Variants in RILPL1 observed in about 807,000 individuals in gnomAD.
RILPL1 encodes the protein RILP-like protein 1.
A neutral mutation model predicts 50.3 loss-of-function variants in RILPL1; 33 were observed. That is an observed-to-expected ratio of 0.66 (90% CI 0.50 to 0.88). The LOEUF (loss-of-function observed/expected upper bound fraction) is 0.88, where lower values mean the gene tolerates loss of function less well. Ranked by LOEUF, RILPL1 falls within the 40% of genes least tolerant of loss-of-function variation. RILPL1 has a pLI of 0.00. For synonymous variants in RILPL1, 205 were observed against 228.6 expected (o/e 0.90, Z 0.93); for missense variants, 418 against 542.5 (o/e 0.77, Z 2.28).
intron 4 of RILPL1, among the ~76,000 whole-genome samples, chr12:123,493,505 C>A: frequency 6.6e-6 from 1 of 152,132 alleles, no homozygotes; most frequent in Non-Finnish European, 1.5e-5. Flanking sequence ...GTGTCTTTTT[C>A]TTTTCCAAGT....
At chr12:123,502,512 A>C (rs948098070) in intron 2 of RILPL1, among the ~76,000 whole-genome samples, 1 of 152,224 alleles carries the variant, frequency 6.6e-6, no homozygotes, top group African/African-American at 2.4e-5. Context: ...CAGTTAATAC[A>C]CACAGAGCCC....
At chr12:123,501,771 A>G (rs1213132382) in intron 2 of RILPL1, among the ~76,000 whole-genome samples, 1 of 151,112 alleles carries the variant, frequency 6.6e-6, no homozygotes, top group Non-Finnish European at 1.5e-5. Flanking sequence ...AAAAAAAAAA[A>G]AAAGAAAGAA....
chr12:123,510,022 G>C (rs1008125204), intron 2 of RILPL1, among the ~76,000 whole-genome samples: 1 of 152,240 alleles, frequency 6.6e-6, no homozygotes, highest in Non-Finnish European at 1.5e-5. Flanking sequence ...GACAGGGGAA[G>C]GCCCCCCTGG....
At chr12:123,517,166 G>A (rs1194290718) in intron 2 of RILPL1, among the ~76,000 whole-genome samples, 2 of 152,192 alleles carry the variant, frequency 1.3e-5, no homozygotes, top group Non-Finnish European at 2.9e-5. Context: ...GGCTGCAGAG[G>A]AAGAGACTGG....
At chr12:123,487,046 G>A (rs1882387949) in intron 4 of RILPL1, among the ~76,000 whole-genome samples, 2 of 151,990 alleles carry the variant, frequency 1.3e-5, no homozygotes, top group African/African-American at 2.4e-5. Context: ...TGATCCACCC[G>A]CCTTTGCCTC....
intron 2 of RILPL1, chr12:123,519,300 T>C (rs1277869089): frequency 3.9e-5 from 6 of 152,150 alleles, no homozygotes; most frequent in African/African-American, 1.4e-4. Context: ...CCCGGCGCGA[T>C]GGCTTGCATA....
chr12:123,526,288 A>G (rs1353923343), intron 1 of RILPL1, among the ~76,000 whole-genome samples: 1 of 151,998 alleles, frequency 6.6e-6, no homozygotes, highest in Admixed American at 6.6e-5. Context: ...CCTGGGGCAC[A>G]GAATGAGACT....
intron 4 of RILPL1, among the ~76,000 whole-genome samples, chr12:123,495,375 AT>A (rs34446983): frequency 0.2 from 27,677 of 136,754 alleles, 1,943 homozygotes; most frequent in Middle Eastern, 0.23. Context: ...CCTCTTAAAC[AT>A]TTTTTTTTTT....
intron 6 of RILPL1, among the ~76,000 whole-genome samples, chr12:123,479,078 C>A (rs1881789979): frequency 6.6e-6 from 1 of 152,104 alleles, no homozygotes; most frequent in African/African-American, 2.4e-5. Flanking sequence ...GGGGCCACCA[C>A]CAGAGACTCG....
intron 2 of RILPL1, among the ~76,000 whole-genome samples, chr12:123,521,598 A>T (rs1428199188): frequency 5.3e-4 from 3 of 5,714 alleles, no homozygotes; most frequent in Non-Finnish European, 1.6e-3. Context: ...TATATATATT[A>T]ATATATATAC....
chr12:123,511,488 TC>T (rs1470380047), intron 2 of RILPL1, among the ~76,000 whole-genome samples: 2 of 129,054 alleles, frequency 1.5e-5, no homozygotes, highest in Non-Finnish European at 3.3e-5. Flanking sequence ...GTGTGTGAGG[TC>T]TGTATGTGTG....
At chr12:123,486,104 G>A (rs930579228) in intron 4 of RILPL1, among the ~76,000 whole-genome samples, 1 of 152,134 alleles carries the variant, frequency 6.6e-6, no homozygotes, top group Non-Finnish European at 1.5e-5. Flanking sequence ...GGGAGGAGCT[G>A]TCACACCTCC....
chr12:123,526,208 A>G (rs1885250554), intron 1 of RILPL1, among the ~76,000 whole-genome samples: 1 of 152,142 alleles, frequency 6.6e-6, no homozygotes, highest in Non-Finnish European at 1.5e-5. Flanking sequence ...TGGGAAGCTG[A>G]GCCAGGAGAA....
At chr12:123,487,290 C>T (rs536389800) in intron 4 of RILPL1, among the ~76,000 whole-genome samples, 1 of 151,562 alleles carries the variant, frequency 6.6e-6, no homozygotes, top group East Asian at 1.9e-4. Context: ...CACGTTGCAG[C>T]ACACACCAGC....
At chr12:123,516,236 T>G (rs1884687530) in intron 2 of RILPL1, among the ~76,000 whole-genome samples, 1 of 152,144 alleles carries the variant, frequency 6.6e-6, no homozygotes, top group South Asian at 2.1e-4. Flanking sequence ...CTCATGAAGT[T>G]GGTCTCGGAT....
At chr12:123,484,714 G>A (rs1882216397) in intron 5 of RILPL1, 2 of 212,354 alleles carry the variant, frequency 9.4e-6, no homozygotes, top group Non-Finnish European at 1.8e-5. Context: ...GAGTGCAGTG[G>A]TACAAACATA....
intron 2 of RILPL1, among the ~76,000 whole-genome samples, chr12:123,517,052 A>C (rs182812667): frequency 6.6e-6 from 1 of 152,274 alleles, no homozygotes; most frequent in Non-Finnish European, 1.5e-5. Context: ...TGCGGGGCAA[A>C]GTGAGACCCT....
chr12:123,478,823 C>T (rs1881774133), intron 6 of RILPL1, among the ~76,000 whole-genome samples: 1 of 152,200 alleles, frequency 6.6e-6, no homozygotes, highest in Admixed American at 6.5e-5. Context: ...AGGGACCACG[C>T]AAAAGGGGGC....
rs1325635976 is a variant in RILPL1 at position 123,523,147 on chromosome 12, T to C, written c.460+348A>G. Among the ~76,000 whole-genome samples the C allele has an allele frequency of 4.6e-5, 7 of 152,260 alleles. No individual in the cohort carries two copies. In the East Asian group the frequency reaches 1.4e-3, roughly 29 times the overall value. On this transcript the variant is annotated intron_variant, in intron 2 of 6. Coordinates refer to ENST00000376874, the MANE Select transcript of RILPL1 (RefSeq NM_178314.5). ...GCCCCCTGGAACTATGGTGTCTGTGTGTTTACATGTTAAGCCCCTTTCTCC... is the reference window on the plus strand; with the variant it reads ...GCCCCCTGGAACTATGGTGTCTGTGCGTTTACATGTTAAGCCCCTTTCTCC...
Sources: allele counts gnomAD v4.1 joint callset (sites outside exome capture counted in the v4.1 genomes callset), GRCh38; gene constraint gnomAD v4.1.1; transcripts MANE v1.5; gene names NCBI Gene and HGNC (gene_info 2026-07-23, HGNC 2026-07-21).